Variants in HERC1 observed in about 807,000 individuals in gnomAD.
HERC1 encodes HECT and RLD domain containing E3 ubiquitin protein ligase family member 1.
HERC1 carries 160 observed loss-of-function variants against 554.3 expected under a neutral mutation model. The ratio of observed to expected loss-of-function variants is 0.29; its 90% CI spans 0.25 to 0.33. The LOEUF (loss-of-function observed/expected upper bound fraction) is 0.33. Ranked by LOEUF, HERC1 falls within the 10% of genes least tolerant of loss-of-function variation. The pLI, the probability that HERC1 is intolerant of heterozygous loss-of-function variation, is 1.00. For missense variants in HERC1, 4,919 were observed against 5,918.5 expected (o/e 0.83, Z 5.54); for synonymous variants, 2,175 against 2,131.7 (o/e 1.02, Z -0.56).
chr15:63,612,680 T>A lies in HERC1; in HGVS notation c.14095-124A>T. The A allele has an allele frequency of 1.1e-6, 1 of 893,342 alleles. No homozygotes were observed. The highest frequency in any genetic ancestry group is 1.8e-5 in the South Asian group (1 of 54,708). The allele number at this position is 893,342 out of a possible 1,614,324, so 55.3% of individuals were successfully genotyped here. ...GCTCCCCAGACCCTCTACTTGTTTC[T>A]CAGACCGCCAGGCACGAGAGTCAGT... On this transcript the variant is annotated intron_variant, in intron 76 of 77. Transcript: ENST00000443617. This position sits in a 1 kb window ranked among gnomAD's most constrained non-coding sequence, Gnocchi z 5.0.
chr15:63,649,145 G>A (rs927233696), intron 54 of HERC1, among the ~76,000 whole-genome samples: 2 of 152,202 alleles, frequency 1.3e-5, no homozygotes, highest in African/African-American at 2.4e-5. Context: ...ACAAGGTGAG[G>A]AGATCGAGAC....
intron 11 of HERC1, among the ~76,000 whole-genome samples, chr15:63,747,333 G>T (rs1433581895): frequency 1.5e-4 from 23 of 151,998 alleles, no homozygotes; most frequent in Admixed American, 1.4e-3. Context: ...GATGGCGGGT[G>T]CCTGTAATCC....
At chr15:63,760,456 G>C (rs962709609) in intron 3 of HERC1, among the ~76,000 whole-genome samples, 2 of 83,696 alleles carry the variant, frequency 2.4e-5, no homozygotes, top group East Asian at 5.5e-4. Flanking sequence ...AAAAAAAAAA[G>C]ACACAAAGGA....
intron 1 of HERC1, among the ~76,000 whole-genome samples, chr15:63,809,794 A>C (rs992331846): frequency 6.6e-6 from 1 of 151,548 alleles, no homozygotes; most frequent in African/African-American, 2.4e-5. Flanking sequence ...AATAGCAAAA[A>C]AAAAAAAAAA....
At chr15:63,638,894 TATG>T (rs2068905324) in intron 61 of HERC1, 118 bp from the exon 62 acceptor site, 4 of 736,542 alleles carry the variant, frequency 5.4e-6, no homozygotes, top group South Asian at 1.7e-5. Flanking sequence ...ATGGTAATAT[TATG>T]ATAAATTAAG....
chr15:63,632,230 T>C (rs2068593399), intron 68 of HERC1: 1 of 173,794 alleles, frequency 5.8e-6, no homozygotes, highest in Non-Finnish European at 1.2e-5. Context: ...GTCTCACATA[T>C]CCCTAAACAA....
chr15:63,632,097 A>G (rs1221816349), intron 68 of HERC1, among the ~76,000 whole-genome samples: 1 of 152,172 alleles, frequency 6.6e-6, no homozygotes, highest in Non-Finnish European at 1.5e-5. Context: ...GGTCCATTCA[A>G]CATAACTAAA....
chr15:63,799,512 A>G (rs1231473076), intron 1 of HERC1, among the ~76,000 whole-genome samples: 1 of 151,832 alleles, frequency 6.6e-6, no homozygotes, highest in Non-Finnish European at 1.5e-5. Context: ...AAAAAAAAAA[A>G]ATAGAAAAAG....
intron 74 of HERC1, 159 bp from the exon 75 acceptor site, chr15:63,616,841 G>A (rs2067839316): frequency 1.5e-6 from 1 of 659,722 alleles, no homozygotes. Flanking sequence ...TAAAAATTCA[G>A]TTCTTCGGCT....
intron 74 of HERC1, among the ~76,000 whole-genome samples, chr15:63,620,126 C>A (rs1215563490): frequency 6.6e-6 from 1 of 151,994 alleles, no homozygotes; most frequent in East Asian, 1.9e-4. Context: ...CTCTTGTGGG[C>A]ATTTAGTGCT....
chr15:63,612,530 G>A lies in HERC1; in HGVS notation c.14121C>T (p.Ser4707=), dbSNP rs774191570. ...ACAGCAGCGGCACAGGAACAATCCA[G>A]GACATCCCTTCTCGGACTGCAGCCA... ...RQVAAVREGM[S]WIVPVPLLSL... is the part of the protein sequence containing the mutation. The change falls in exon 77 of 78, where the codon TCC becomes TCT. Residue 4707 remains serine (S), a synonymous_variant. Transcript: ENST00000443617. This position sits in a 1 kb window ranked among gnomAD's most constrained non-coding sequence, Gnocchi z 5.0. 1 of 1,613,846 alleles carries A rather than the reference G, an allele frequency of 6.2e-7. No homozygotes were observed. The highest frequency in any genetic ancestry group is 8.5e-7 in the Non-Finnish European group (1 of 1,179,774).
intron 12 of HERC1, among the ~76,000 whole-genome samples, chr15:63,745,378 G>A (rs2075018358): frequency 6.6e-6 from 1 of 152,190 alleles, no homozygotes; most frequent in Admixed American, 6.5e-5. Flanking sequence ...AGTTTACTTG[G>A]AGACACAGAG....
rs374648046 is a variant in HERC1 at position 63,674,378 on chromosome 15, G to A, written c.7810C>T (p.Leu2604Phe). Residue 2604 changes from leucine to phenylalanine, a missense_variant, in exon 38 of 78, where the codon CTT (leucine) becomes TTT (phenylalanine). Physicochemically the swap from Leu to Phe is conservative, Grantham distance 22 (BLOSUM62 0). Transcript: ENST00000443617. Reference sequence around the variant, plus strand: ...TTGCCCCCAAACTGGTCTTCCAAAAGCCCATGAACCACTAATTTATAGATC... The same window carrying A: ...TTGCCCCCAAACTGGTCTTCCAAAAACCCATGAACCACTAATTTATAGATC... The part of the protein sequence containing the change: ...AMIYKLVVHG[L>F]LEDQFGGKIK... 7.5e-6 allele frequency: 12 copies of A among 1,609,558 alleles called. No homozygotes were observed. The highest frequency in any genetic ancestry group is 9.3e-6 in the Non-Finnish European group (11 of 1,178,188).
At chr15:63,623,014 C>T (rs2068153779) in intron 73 of HERC1, 123 bp from the exon 74 acceptor site, 1 of 603,660 alleles carries the variant, frequency 1.7e-6, no homozygotes, top group Non-Finnish European at 2.9e-6. Context: ...ATGTGACAAC[C>T]AACAATTTCA....
intron 64 of HERC1, chr15:63,637,203 A>G (rs542252338): frequency 1.8e-4 from 88 of 501,000 alleles, no homozygotes; most frequent in Non-Finnish European, 3.3e-4. Flanking sequence ...CATGATTGCT[A>G]CTGCTATTAA....
intron 50 of HERC1, among the ~76,000 whole-genome samples, chr15:63,655,141 G>T (rs550201710): frequency 1.3e-5 from 2 of 152,068 alleles, no homozygotes; most frequent in African/African-American, 2.4e-5. Context: ...ATCACACGAG[G>T]CCAGGAGTTC....
At chr15:63,650,749 T>C (rs2069634246) in intron 53 of HERC1, among the ~76,000 whole-genome samples, 1 of 152,214 alleles carries the variant, frequency 6.6e-6, no homozygotes, top group African/African-American at 2.4e-5. Context: ...TAGCTATTCC[T>C]CAAATGTCAC....
Position 63,775,698 on chromosome 15 carries a change from A to G in HERC1, c.-26-49T>C. On this transcript the variant is annotated intron_variant, in intron 1 of 77. Coordinates refer to ENST00000443617, the MANE Select transcript of HERC1 (RefSeq NM_003922.4). The surrounding 1 kb of genome is among the most constrained non-coding windows in gnomAD (Gnocchi z 4.0). ...GTCAAAAACATACAGAGGACTCATAAAATGTTTCCAAAATTTCATCTTACA... is the reference window on the plus strand; with the variant it reads ...GTCAAAAACATACAGAGGACTCATAGAATGTTTCCAAAATTTCATCTTACA... 8.4e-7 allele frequency: 1 copy of G among 1,196,266 alleles called. No individual in the cohort carries two copies. The highest frequency in any genetic ancestry group is 1.2e-6 in the Non-Finnish European group (1 of 844,426). The allele number at this position is 1,196,266 out of a possible 1,614,324, so 74.1% of individuals were successfully genotyped here.
chr15:63,801,789 C>G (rs139652183), intron 1 of HERC1, among the ~76,000 whole-genome samples: 53 of 152,284 alleles, frequency 3.5e-4, no homozygotes, highest in African/African-American at 1.3e-3. Flanking sequence ...ATTCTATCTG[C>G]AGTCCACTTC....
Sources: allele counts gnomAD v4.1 joint callset (sites outside exome capture counted in the v4.1 genomes callset), GRCh38; gene constraint gnomAD v4.1.1; non-coding constraint Gnocchi (gnomAD v3.1); transcripts MANE v1.5; gene names NCBI Gene and HGNC (gene_info 2026-07-23, HGNC 2026-07-21).